MEGF10: variants seen among roughly 807,000 people sequenced by gnomAD.
The protein encoded by MEGF10 is multiple epidermal growth factor-like domains protein 10.
In MEGF10, 86 loss-of-function variants were observed where a neutral mutation model predicts 147.5. The observed-to-expected ratio is 0.58, with a 90% confidence interval of 0.49 to 0.70. The LOEUF is 0.70. MEGF10 is among the 30% of genes least tolerant of loss of function. The pLI is 0.00. For synonymous variants in MEGF10, 478 were observed against 525.5 expected (o/e 0.91, Z 1.24); for missense variants, 1,329 against 1,487.3 (o/e 0.89, Z 1.75).
the MEGF10 span, among the ~76,000 whole-genome samples, chr5:127,283,013 T>G: frequency 6.6e-6 from 1 of 152,194 alleles, no homozygotes; most frequent in Non-Finnish European, 1.5e-5. Context: ...CTAAAGGGAT[T>G]CTTGCTCATT....
Position 127,419,170 on chromosome 5 carries a change from T to C in MEGF10, c.1356T>C (p.Cys452=), listed in dbSNP as rs2126970829. ...PCPLGTYGIN[C]SSRCGCKNDA... is the part of the protein sequence containing the mutation. ...CTCTGGGAACCTATGGGATAAACTG[T>C]TCCTCTCGCTGTGGCTGTAAAAATG... is the stretch of plus-strand genomic sequence containing the variant. Residue 452 remains cysteine (C), a synonymous_variant, in exon 11 of 25, where the codon TGT becomes TGC. Coordinates refer to ENST00000503335, the MANE Select transcript of MEGF10 (RefSeq NM_001256545.2). The C allele has an allele frequency of 6.2e-7, 1 of 1,614,196 alleles. No individual in the cohort carries two copies. The highest frequency in any genetic ancestry group is 2.2e-5 in the East Asian group (1 of 44,888).
chr5:127,370,035 A>G, intron 5 of MEGF10, 33 bp downstream of exon 5: 3 of 1,575,242 alleles, frequency 1.9e-6, no homozygotes, highest in Non-Finnish European at 2.6e-6. Flanking sequence ...CTGTCTCGGG[A>G]TGTTTTTGCT....
intron 4 of MEGF10, among the ~76,000 whole-genome samples, chr5:127,340,894 TAAATTATAATTCTTCAATAAATGTCTC>T (rs1259692844): frequency 3.9e-5 from 6 of 152,146 alleles, no homozygotes; most frequent in Non-Finnish European, 7.4e-5. Context: ...TGTGGTGATG[TAAATTATAATTCTTCAATAAATGTCTC>T]ATTGGAAATT....
At chr5:127,408,200 G>A (rs1580829652) in intron 8 of MEGF10, among the ~76,000 whole-genome samples, 1 of 152,162 alleles carries the variant, frequency 6.6e-6, no homozygotes, top group Non-Finnish European at 1.5e-5. Flanking sequence ...CCAGGCTTCC[G>A]ATCTATACTA....
rs545013944 is a variant in MEGF10, at chr5:127,436,031, A to C, written c.2104+542A>C. Among the ~76,000 whole-genome samples the C allele has an allele frequency of 2.6e-5, 4 of 152,356 alleles. No individual in the cohort carries two copies. In the South Asian group the frequency reaches 8.3e-4, roughly 32 times the overall value. On this transcript the variant is annotated intron_variant, in intron 16 of 24. Coordinates refer to ENST00000503335, the MANE Select transcript of MEGF10 (RefSeq NM_001256545.2). Reference sequence around the variant, plus strand: ...CTCTTAGAGCACCCATGTCATGAAAAAAATGACATCGACTATAAGTCATTC... The same window carrying C: ...CTCTTAGAGCACCCATGTCATGAAACAAATGACATCGACTATAAGTCATTC...
At chr5:127,318,634 A>G (rs985362316) in intron 1 of MEGF10, among the ~76,000 whole-genome samples, 4 of 152,318 alleles carry the variant, frequency 2.6e-5, no homozygotes, top group African/African-American at 9.6e-5. Context: ...GAACTCTCCA[A>G]CAATCTTGCC....
At chr5:127,342,672 G>A (rs1019134043) in intron 4 of MEGF10, among the ~76,000 whole-genome samples, 5 of 152,056 alleles carry the variant, frequency 3.3e-5, no homozygotes, top group Admixed American at 2.6e-4. Flanking sequence ...AATTCCACTG[G>A]CACTATCACG....
intron 1 of MEGF10, among the ~76,000 whole-genome samples, chr5:127,294,181 G>A (rs1295359778): frequency 2.0e-5 from 3 of 152,150 alleles, no homozygotes; most frequent in African/African-American, 4.8e-5. Context: ...TAAACTTAGC[G>A]ATATCTCATG....
intron 5 of MEGF10, among the ~76,000 whole-genome samples, chr5:127,389,108 T>G (rs1232099407): frequency 6.6e-6 from 1 of 152,236 alleles, no homozygotes; most frequent in Non-Finnish European, 1.5e-5. Flanking sequence ...ACCTTTTGTA[T>G]GCAGAAAGCC....
In MEGF10 at chr5:127,381,688, G is replaced by A. The variant is rs868391123; in HGVS notation, c.412+11686G>A. Among the ~76,000 whole-genome samples the A allele has an allele frequency of 4.6e-4, 70 of 152,022 alleles. No individual in the cohort carries two copies. In the Middle Eastern group the frequency reaches 0.017, roughly 37 times the overall value. ...TTTTGTTTTTGTTTTTGTTTTTCTC[G>A]AGACAAGAGTCTCGCTCTGTCACCC... On this transcript the variant is annotated intron_variant, in intron 5 of 24. Coordinates refer to ENST00000503335, the MANE Select transcript of MEGF10 (RefSeq NM_001256545.2).
chr5:127,315,150 G>T (rs946479223), intron 1 of MEGF10, among the ~76,000 whole-genome samples: 1 of 152,202 alleles, frequency 6.6e-6, no homozygotes, highest in Non-Finnish European at 1.5e-5. Flanking sequence ...TCAGAACTCA[G>T]TGTTAGTTCA....
chr5:127,428,124 A>G (rs1239047287), intron 13 of MEGF10, among the ~76,000 whole-genome samples: 1 of 147,996 alleles, frequency 6.8e-6, no homozygotes, highest in Admixed American at 6.7e-5. Flanking sequence ...AGACTGAGGC[A>G]GGCCATGGTG....
At chr5:127,250,404 A>G in the MEGF10 span, among the ~76,000 whole-genome samples, 1 of 151,916 alleles carries the variant, frequency 6.6e-6, no homozygotes, top group Non-Finnish European at 1.5e-5. Flanking sequence ...AAAAAAATTT[A>G]TGACATTTCA....
the MEGF10 span, among the ~76,000 whole-genome samples, chr5:127,249,230 T>C: frequency 6.6e-6 from 1 of 151,958 alleles, no homozygotes; most frequent in Non-Finnish European, 1.5e-5. Flanking sequence ...GATTCTACTG[T>C]TGGAAGATTC....
intron 1 of MEGF10, among the ~76,000 whole-genome samples, chr5:127,330,564 T>G (rs1761214266): frequency 6.6e-6 from 1 of 152,210 alleles, no homozygotes; most frequent in South Asian, 2.1e-4. Context: ...TAGGTTCATT[T>G]TCTCTAACAT....
intron 7 of MEGF10, among the ~76,000 whole-genome samples, chr5:127,399,532 A>T (rs1270255519): frequency 2.6e-5 from 4 of 152,208 alleles, no homozygotes; most frequent in African/African-American, 9.6e-5. Context: ...TCCTTCATTA[A>T]CAAACTATTT....
intron 5 of MEGF10, among the ~76,000 whole-genome samples, chr5:127,384,540 C>T (rs1763364073): frequency 1.3e-5 from 2 of 152,212 alleles, no homozygotes; most frequent in Admixed American, 6.5e-5. Context: ...ATTTGCACTT[C>T]AGCACAATAG....
In MEGF10 at chr5:127,457,117, G is replaced by C; in HGVS notation, c.3233-11G>C. On this transcript the variant is annotated splice_polypyrimidine_tract_variant and intron_variant, in intron 24 of 24. Coordinates refer to ENST00000503335, the MANE Select transcript of MEGF10 (RefSeq NM_001256545.2). ...TTTGCTGATAAATTAATATGTCCTT[G>C]GTTATCACAGAACCTACAGTGAGTG... is the stretch of plus-strand genomic sequence containing the variant. The C allele has an allele frequency of 6.3e-7, 1 of 1,592,170 alleles. No individual in the cohort carries two copies. The highest frequency in any genetic ancestry group is 8.5e-7 in the Non-Finnish European group (1 of 1,169,966).
rs772979552 is a variant in MEGF10, at chr5:127,443,129, A to T, written c.2491+3A>T. 3 of 1,611,852 alleles carry T rather than the reference A, an allele frequency of 1.9e-6. No individual in the cohort carries two copies. The South Asian group carries it at 3.3e-5, about 18-fold the overall frequency. On this transcript the variant is annotated splice_donor_region_variant and intron_variant, in intron 19 of 24. Coordinates refer to ENST00000503335, the MANE Select transcript of MEGF10 (RefSeq NM_001256545.2). The stretch of plus-strand genomic sequence containing the variant: ...GAAGGGAGCGAGATGTGATCAAGGT[A>T]AATATACTAGCTAATGTTTGTAGCA...
Sources: allele counts gnomAD v4.1 joint callset (sites outside exome capture counted in the v4.1 genomes callset), GRCh38; gene constraint gnomAD v4.1.1; transcripts MANE v1.5; gene names NCBI Gene and HGNC (gene_info 2026-07-23, HGNC 2026-07-21).